Variants in IMPG1 observed in about 807,000 individuals in gnomAD.
IMPG1 encodes interphotoreceptor matrix proteoglycan 1, also known as interphotoreceptor matrix proteoglycan of 150 kDa.
IMPG1 carries 85 observed loss-of-function variants against 92.0 expected under a neutral mutation model. The ratio of observed to expected loss-of-function variants is 0.92; its 90% confidence interval spans 0.78 to 1.11. The LOEUF (loss-of-function observed/expected upper bound fraction) is 1.11. Ranked by LOEUF, IMPG1 falls within the 50% of genes least tolerant of loss-of-function variation. IMPG1 has a pLI of 0.00. For missense variants in IMPG1, 1,022 were observed against 956.0 expected, an observed-to-expected ratio of 1.07 and a Z score of -0.91; for synonymous variants, 367 against 334.1, an observed-to-expected ratio of 1.10 and a Z score of -1.08.
intron 16 of IMPG1, 127 bp from the exon 17 acceptor site, chr6:75,922,293 TG>T: frequency 1.7e-6 from 1 of 572,728 alleles, no homozygotes; most frequent in South Asian, 2.0e-5. Context: ...TTCTTTGAAA[TG>T]TTGAAGATGG....
intron 14 of IMPG1, among the ~76,000 whole-genome samples, chr6:75,937,828 C>T (rs945698058): frequency 3.3e-5 from 5 of 152,108 alleles, no homozygotes; most frequent in East Asian, 1.9e-4. Context: ...TACCATTTAC[C>T]GGCCTTGAGG....
At chr6:76,031,843 G>A (rs911046300) in intron 4 of IMPG1, among the ~76,000 whole-genome samples, 27 of 152,174 alleles carry the variant, frequency 1.8e-4, no homozygotes, top group African/African-American at 6.5e-4. Context: ...TTTTGTGCAG[G>A]ACTCTGTGGG....
intron 15 of IMPG1, among the ~76,000 whole-genome samples, chr6:75,925,863 A>G (rs1227452374): frequency 1.3e-5 from 2 of 152,054 alleles, no homozygotes; most frequent in African/African-American, 4.8e-5. Context: ...ACAGGGTTTC[A>G]CCATGTTGGC....
intron 1 of IMPG1, among the ~76,000 whole-genome samples, chr6:76,064,682 C>T (rs1784276997): frequency 6.6e-6 from 1 of 152,282 alleles, no homozygotes; most frequent in African/African-American, 2.4e-5. Flanking sequence ...TGAGGGAGCT[C>T]AGGCCACTGT....
At chr6:75,992,770 C>A (rs1782834614) in intron 12 of IMPG1, among the ~76,000 whole-genome samples, 1 of 152,178 alleles carries the variant, frequency 6.6e-6, no homozygotes, top group Non-Finnish European at 1.5e-5. Flanking sequence ...GAAACTCACT[C>A]CAGTCTCTGC....
intron 15 of IMPG1, among the ~76,000 whole-genome samples, chr6:75,927,312 A>C (rs922872435): frequency 2.0e-5 from 3 of 152,182 alleles, no homozygotes; most frequent in Non-Finnish European, 4.4e-5. Flanking sequence ...AGTCATACCT[A>C]GTAGGGGGCA....
At chr6:76,015,774 T>G (rs1453776834) in intron 7 of IMPG1, among the ~76,000 whole-genome samples, 9 of 113,964 alleles carry the variant, frequency 7.9e-5, no homozygotes, top group Non-Finnish European at 1.5e-4. Context: ...CACTCCAGCC[T>G]GGGCAACAAG....
intron 8 of IMPG1, among the ~76,000 whole-genome samples, chr6:76,009,047 T>C (rs1783142801): frequency 6.6e-6 from 1 of 152,222 alleles, no homozygotes; most frequent in Non-Finnish European, 1.5e-5. Flanking sequence ...TGTATTCCAA[T>C]AGTTCATTTC....
intron 8 of IMPG1, among the ~76,000 whole-genome samples, chr6:76,010,660 T>C (rs1231131084): frequency 6.6e-6 from 1 of 152,196 alleles, no homozygotes; most frequent in East Asian, 1.9e-4. Context: ...TTGCTTATGC[T>C]CCTATTCCTT....
chr6:75,935,992 A>G (rs551966062), intron 14 of IMPG1, among the ~76,000 whole-genome samples: 2 of 152,276 alleles, frequency 1.3e-5, no homozygotes, highest in Admixed American at 6.5e-5. Flanking sequence ...TTCATCTGAG[A>G]TGTTACACAG....
At chr6:75,931,182 G>A (rs752517567) in intron 14 of IMPG1, 31 bp from the exon 15 acceptor site, 81 of 1,577,316 alleles carry the variant, frequency 5.1e-5, no homozygotes, top group Non-Finnish European at 6.8e-5. Flanking sequence ...TTTAACGCAT[G>A]TATGAATAGC....
intron 13 of IMPG1, among the ~76,000 whole-genome samples, chr6:75,948,155 T>A (rs1364424771): frequency 1.3e-5 from 2 of 152,212 alleles, no homozygotes; most frequent in Non-Finnish European, 2.9e-5. Flanking sequence ...ACCACTGTGT[T>A]GTACCTCAGG....
chr6:76,036,408 C>T (rs1177341227), intron 2 of IMPG1, among the ~76,000 whole-genome samples: 1 of 152,150 alleles, frequency 6.6e-6, no homozygotes, highest in Non-Finnish European at 1.5e-5. Flanking sequence ...CAAACATTAA[C>T]ACCCACAAAA....
chr6:75,977,819 A>C (rs1008264703), intron 12 of IMPG1, among the ~76,000 whole-genome samples: 2 of 151,328 alleles, frequency 1.3e-5, no homozygotes, highest in South Asian at 4.2e-4. Flanking sequence ...TTCATGGTAC[A>C]CTCATTAAAT....
chr6:75,922,314 ATTC>A, intron 16 of IMPG1, 148 bp from the exon 17 acceptor site: 2 of 563,634 alleles, frequency 3.5e-6, no homozygotes, highest in Non-Finnish European at 6.4e-6. Flanking sequence ...GCCTCAAAAT[ATTC>A]TTAACTTTAT....
intron 12 of IMPG1, among the ~76,000 whole-genome samples, chr6:75,975,611 G>A (rs184091450): frequency 2.3e-4 from 35 of 152,240 alleles, no homozygotes; most frequent in Admixed American, 1.0e-3. Flanking sequence ...AGATGCCATC[G>A]ATTTTCCTTC....
At position 75,950,830 on chromosome 6, in the gene IMPG1, AG is replaced by A; in HGVS notation, c.1555del (p.Leu519Ter). 1 of 1,613,944 alleles carries A rather than the reference AG, an allele frequency of 6.2e-7. No homozygotes were observed. ...AGTGTCAGACAGATCCATTTCATCT[AG>A]GTGTCTGACCATATCTTCGCCACCT... The part of the protein sequence containing the change: ...SAGGEDMVRH[L>X]DEMDLSDTPA... On this transcript the variant is annotated frameshift_variant, in exon 13 of 17. Transcript: ENST00000369950. LOFTEE classifies it high-confidence loss of function.
chr6:76,059,416 T>C (rs200320881), intron 1 of IMPG1, among the ~76,000 whole-genome samples: 2 of 132,894 alleles, frequency 1.5e-5, no homozygotes, highest in Non-Finnish European at 3.4e-5. Context: ...TTTTTTTAAG[T>C]GAAAAATAGA....
chr6:75,948,591 G>T (rs1201917296), intron 13 of IMPG1, among the ~76,000 whole-genome samples: 5 of 152,016 alleles, frequency 3.3e-5, no homozygotes, highest in African/African-American at 1.2e-4. Flanking sequence ...TCAAGTTACT[G>T]TCCCCTGATG....
Sources: allele counts gnomAD v4.1 joint callset (sites outside exome capture counted in the v4.1 genomes callset), GRCh38; gene constraint gnomAD v4.1.1; transcripts MANE v1.5; gene names NCBI Gene and HGNC (gene_info 2026-07-23, HGNC 2026-07-21).